Variants in GTSF1 observed in about 807,000 individuals in gnomAD.
The protein encoded by GTSF1 is gametocyte specific factor 1.
In GTSF1, 11 loss-of-function variants were observed where a neutral mutation model predicts 28.9. The observed-to-expected ratio is 0.38, with a 90% confidence interval of 0.24 to 0.63. GTSF1 has a LOEUF of 0.63. Ranked by LOEUF, GTSF1 falls within the 30% of genes least tolerant of loss-of-function variation. The probability of loss-of-function intolerance (pLI) is 0.56; values close to 1 mark genes in which losing one functional copy is unlikely to be tolerated. For synonymous variants in GTSF1, 69 were observed against 65.6 expected (o/e 1.05, Z -0.25); for missense variants, 146 against 201.0 (o/e 0.73, Z 1.66).
At chr12:54,467,581 C>T (rs1357805865) in intron 2 of GTSF1, among the ~76,000 whole-genome samples, 1 of 152,122 alleles carries the variant, frequency 6.6e-6, no homozygotes, top group African/African-American at 2.4e-5. Flanking sequence ...TCCCCAAGTG[C>T]TGGGATTACA....
At chr12:54,468,986 A>T (rs1956559351) in intron 2 of GTSF1, 1 of 152,248 alleles carries the variant, frequency 6.6e-6, no homozygotes, top group African/African-American at 2.4e-5. Context: ...AAGAGACAGA[A>T]AGGGGAGATG....
At chr12:54,471,158 C>A in intron 2 of GTSF1, 75 bp downstream of exon 2, 2 of 1,233,214 alleles carry the variant, frequency 1.6e-6, no homozygotes, top group Non-Finnish European at 1.1e-6. Context: ...TCCCAGCACA[C>A]TAAAAGTCTT....
At chr12:54,463,120 T>C (rs199660154) in intron 4 of GTSF1, 51 bp downstream of exon 4, 95 of 1,576,230 alleles carry the variant, frequency 6.0e-5, no homozygotes, top group Non-Finnish European at 7.9e-5. Context: ...ATAATACAAA[T>C]CTGAAGGAGC....
At chr12:54,471,192 A>G (rs1420421376) in intron 2 of GTSF1, 41 bp downstream of exon 2, 1 of 1,485,670 alleles carries the variant, frequency 6.7e-7, no homozygotes, top group East Asian at 2.4e-5. Flanking sequence ...CTATACGTAA[A>G]TGATTTAACT....
chr12:54,458,633 G>A (rs1381142344), intron 8 of GTSF1, among the ~76,000 whole-genome samples: 3 of 151,980 alleles, frequency 2.0e-5, no homozygotes, highest in Non-Finnish European at 4.4e-5. Flanking sequence ...TGGTCTCCCC[G>A]TGCTGGGATT....
chr12:54,471,402 C>T (rs1464634077), intron 1 of GTSF1, 125 bp from the exon 2 acceptor site: 3 of 500,554 alleles, frequency 6.0e-6, no homozygotes, highest in Non-Finnish European at 1.1e-5. Context: ...CTTTACTCTC[C>T]CCACTCCCCC....
In GTSF1 at chr12:54,473,598, G is replaced by A; in HGVS notation, c.-82C>T. The A allele has an allele frequency of 6.6e-6, 1 of 152,392 alleles. No homozygotes were observed. Among genetic ancestry groups the A allele is most frequent in the Non-Finnish European group, 1.5e-5 (1 of 68,108 alleles). The allele number at this position is 152,392 out of a possible 1,614,324, so 9.4% of individuals were successfully genotyped here. On this transcript the variant is annotated 5_prime_UTR_variant, in exon 1 of 9. Transcript: ENST00000305879. ...TCACCTTCCTCCCACGCAAGCCCCA[G>A]CAACGGCCACTTCCGGCGCCTAACG...
chr12:54,468,857 T>TA (rs1260185738), intron 2 of GTSF1: 1 of 152,134 alleles, frequency 6.6e-6, no homozygotes, highest in East Asian at 1.9e-4. Flanking sequence ...GGGACTGTGT[T>TA]AAAGTGCTGA....
chr12:54,464,797 T>C (rs769600623), intron 3 of GTSF1: 18 of 201,538 alleles, frequency 8.9e-5, no homozygotes, highest in Non-Finnish European at 1.7e-4. Context: ...TAGCCAAAAT[T>C]AGTCTGTTTT....
chr12:54,461,306 A>G (rs1795837), intron 6 of GTSF1, among the ~76,000 whole-genome samples: 142,784 of 151,712 alleles, frequency 0.94, 67,349 homozygotes, highest in African/African-American at 0.96. Flanking sequence ...TTACTGTGTT[A>G]CTCATGTTGA....
chr12:54,460,205 C>T (rs962737027), intron 7 of GTSF1, among the ~76,000 whole-genome samples, 172 bp downstream of exon 7: 3 of 152,146 alleles, frequency 2.0e-5, no homozygotes, highest in African/African-American at 4.8e-5. Flanking sequence ...CTCCTAACCA[C>T]GGTCAGTAGG....
intron 2 of GTSF1, chr12:54,469,060 G>A (rs1268688801): frequency 6.6e-6 from 1 of 152,210 alleles, no homozygotes; most frequent in East Asian, 1.9e-4. Context: ...ACCATACAGG[G>A]ACTTCACATT....
At chr12:54,464,419 A>C (rs1055392656) in intron 3 of GTSF1, among the ~76,000 whole-genome samples, 1 of 152,206 alleles carries the variant, frequency 6.6e-6, no homozygotes, top group African/African-American at 2.4e-5. Context: ...AATTGTATGC[A>C]GTTTGGATTA....
rs144722581 is a variant in GTSF1, at chr12:54,456,026, G to A, written c.*148C>T. On this transcript the variant is annotated 3_prime_UTR_variant, in exon 9 of 9. Transcript: ENST00000305879. Reference sequence around the variant, plus strand: ...TTCTTGCATTAAATGAGGATTCAAGGGGGGAGGAAAAAAGTGTGCTTGTCA... The same window carrying A: ...TTCTTGCATTAAATGAGGATTCAAGAGGGGAGGAAAAAAGTGTGCTTGTCA... 1 of 152,544 alleles carries A rather than the reference G, an allele frequency of 6.6e-6. No individual in the cohort carries two copies. The highest frequency in any genetic ancestry group is 6.6e-5 in the Admixed American group (1 of 15,264). The allele number at this position is 152,544 out of a possible 1,614,324, so 9.4% of individuals were successfully genotyped here.
chr12:54,463,353 G>A (rs1956454446), intron 3 of GTSF1, 56 bp from the exon 4 acceptor site: 1 of 1,577,452 alleles, frequency 6.3e-7, no homozygotes. Flanking sequence ...AAAGTCAACA[G>A]GGAGTAGCTA....
At position 54,459,138 on chromosome 12, in the gene GTSF1, A is replaced by T. The variant is rs1458713750; in HGVS notation, c.488-13T>A. 9 of 1,600,090 alleles carry T rather than the reference A, an allele frequency of 5.6e-6. No individual in the cohort carries two copies. The highest frequency in any genetic ancestry group is 7.7e-6 in the Non-Finnish European group (9 of 1,169,532). On this transcript the variant is annotated splice_polypyrimidine_tract_variant and intron_variant, in intron 7 of 8. Transcript: ENST00000305879. The stretch of plus-strand genomic sequence containing the variant: ...TGTGCATTTCCATCTACAAGTAGAA[A>T]TATTTCAAAATAAATACACCATGTC...
intron 1 of GTSF1, among the ~76,000 whole-genome samples, chr12:54,471,521 C>A (rs544432547): frequency 2.0e-5 from 3 of 152,162 alleles, no homozygotes; most frequent in African/African-American, 7.2e-5. Flanking sequence ...TAAGAAAAAC[C>A]AAATATGACT....
At chr12:54,473,332 G>A (rs550291325) in intron 1 of GTSF1, among the ~76,000 whole-genome samples, 1 of 152,234 alleles carries the variant, frequency 6.6e-6, no homozygotes, top group African/African-American at 2.4e-5. Context: ...AAGTGGGGGA[G>A]GTGGTTAACT....
intron 7 of GTSF1, chr12:54,459,411 T>C: frequency 7.3e-7 from 1 of 1,367,698 alleles, no homozygotes; most frequent in East Asian, 4.0e-5. Flanking sequence ...ACCTAAAAAT[T>C]AGCTCAAACA....
Sources: allele counts gnomAD v4.1 joint callset (sites outside exome capture counted in the v4.1 genomes callset), GRCh38; gene constraint gnomAD v4.1.1; transcripts MANE v1.5; gene names NCBI Gene and HGNC (gene_info 2026-07-23, HGNC 2026-07-21).